Variants in PTPRD observed in about 807,000 individuals in gnomAD.
The protein encoded by PTPRD is receptor-type tyrosine-protein phosphatase delta.
A neutral mutation model predicts 214.5 loss-of-function variants in PTPRD; 34 were observed. The observed-to-expected ratio is 0.16, with a 90% CI of 0.12 to 0.21. The LOEUF (loss-of-function observed/expected upper bound fraction) is 0.21. Ranked by LOEUF, PTPRD falls within the 10% of genes least tolerant of loss-of-function variation. PTPRD has a pLI of 1.00. For synonymous variants in PTPRD, 1,128 were observed against 845.7 expected, an observed-to-expected ratio of 1.33 and a Z score of -5.79; for missense variants, 2,545 against 2,398.7, an observed-to-expected ratio of 1.06 and a Z score of -1.27.
intron 12 of PTPRD, among the ~76,000 whole-genome samples, chr9:8,662,098 T>G (rs150226008): frequency 1.3e-5 from 2 of 152,246 alleles, no homozygotes; most frequent in African/African-American, 4.8e-5. Flanking sequence ...TGTTTTGTTT[T>G]TCATAGAGCT....
chr9:9,570,976 G>C (rs1385292145), intron 8 of PTPRD, among the ~76,000 whole-genome samples: 1 of 151,300 alleles, frequency 6.6e-6, no homozygotes, highest in Admixed American at 6.6e-5. Context: ...ACTAAAATAA[G>C]ATACTATCTA....
At chr9:10,407,844 T>C (rs1170051820) in intron 2 of PTPRD, among the ~76,000 whole-genome samples, 1 of 151,610 alleles carries the variant, frequency 6.6e-6, no homozygotes, top group South Asian at 2.1e-4. Context: ...ATACTGCAAA[T>C]GTTTCAATTT....
At chr9:8,666,200 GA>G (rs2097167758) in intron 12 of PTPRD, among the ~76,000 whole-genome samples, 1 of 152,070 alleles carries the variant, frequency 6.6e-6, no homozygotes, top group Non-Finnish European at 1.5e-5. Context: ...CCCTGCTGTA[GA>G]AAAGTGTCAA....
chr9:10,098,601 T>C (rs1174845141), intron 3 of PTPRD, among the ~76,000 whole-genome samples: 6 of 151,864 alleles, frequency 4.0e-5, no homozygotes, highest in Admixed American at 6.6e-5. Flanking sequence ...TTCTGAGCCA[T>C]ATTTTTCTCA....
chr9:9,915,568 G>A (rs1055774929), intron 5 of PTPRD, among the ~76,000 whole-genome samples: 1 of 150,332 alleles, frequency 6.7e-6, no homozygotes, highest in African/African-American at 2.4e-5. Context: ...AAGTACTAAA[G>A]CTGAATAATT....
intron 8 of PTPRD, among the ~76,000 whole-genome samples, chr9:9,561,663 A>G (rs1266952651): frequency 6.6e-6 from 1 of 152,136 alleles, no homozygotes; most frequent in Non-Finnish European, 1.5e-5. Context: ...TGAAAAAAAC[A>G]CTCTTACTTT....
intron 5 of PTPRD, among the ~76,000 whole-genome samples, chr9:9,827,499 A>G (rs1279653011): frequency 6.6e-6 from 1 of 152,210 alleles, no homozygotes; most frequent in Non-Finnish European, 1.5e-5. Context: ...TTTATACAAA[A>G]ATTAATTCAA....
intron 3 of PTPRD, among the ~76,000 whole-genome samples, chr9:10,263,500 G>C (rs899625396): frequency 2.0e-5 from 3 of 152,124 alleles, no homozygotes; most frequent in East Asian, 1.9e-4. Flanking sequence ...TGGAGTAAAG[G>C]TCACTCTTGC....
At chr9:8,394,306 G>A (rs2090473899) in intron 36 of PTPRD, among the ~76,000 whole-genome samples, 2 of 152,046 alleles carry the variant, frequency 1.3e-5, no homozygotes, top group Non-Finnish European at 2.9e-5. Context: ...TTATAATAAA[G>A]CCTTAAGTCC....
intron 7 of PTPRD, among the ~76,000 whole-genome samples, chr9:9,727,972 A>G (rs986561595): frequency 6.6e-6 from 1 of 152,110 alleles, no homozygotes; most frequent in African/African-American, 2.4e-5. Flanking sequence ...CATAATTCCC[A>G]TGTGTTGTGA....
chr9:10,155,865 T>G (rs2099089416), intron 3 of PTPRD, among the ~76,000 whole-genome samples: 1 of 152,112 alleles, frequency 6.6e-6, no homozygotes, highest in African/African-American at 2.4e-5. Context: ...CCTTGAGGAT[T>G]TTTGTATCAA....
chr9:9,687,018 T>C (rs1439217101), intron 7 of PTPRD, among the ~76,000 whole-genome samples: 1 of 151,762 alleles, frequency 6.6e-6, no homozygotes, highest in Non-Finnish European at 1.5e-5. Flanking sequence ...TTAATACAAG[T>C]TGTGCATTAT....
intron 35 of PTPRD, among the ~76,000 whole-genome samples, chr9:8,416,201 C>G (rs1226590583): frequency 2.0e-5 from 3 of 151,984 alleles, no homozygotes; most frequent in African/African-American, 7.3e-5. Flanking sequence ...TGTTATGCAT[C>G]TAGTGACGTG....
At chr9:8,656,971 G>A in intron 12 of PTPRD, among the ~76,000 whole-genome samples, 1 of 152,210 alleles carries the variant, frequency 6.6e-6, no homozygotes, top group African/African-American at 2.4e-5. Flanking sequence ...TTGTAAAGAT[G>A]AAAGTTTATG....
rs1041728188 is a variant in PTPRD, at chr9:9,253,657, G to T, written c.-202-70294C>A. On this transcript the variant is annotated intron_variant, in intron 9 of 45. Coordinates refer to ENST00000381196, the MANE Select transcript of PTPRD (RefSeq NM_002839.4). ...AACAGATGCCAAAGCATAAAAAATGGTTTGAGTGATTTTGAATGAGGAACT... is the reference window on the plus strand; with the variant it reads ...AACAGATGCCAAAGCATAAAAAATGTTTTGAGTGATTTTGAATGAGGAACT... Among the ~76,000 whole-genome samples the T allele has an allele frequency of 1.9e-4, 29 of 152,178 alleles. 1 individual carries two copies. The highest frequency in any genetic ancestry group is 1.9e-3 in the South Asian group (9 of 4,814).
intron 9 of PTPRD, among the ~76,000 whole-genome samples, chr9:9,234,165 C>G (rs1198957979): frequency 6.6e-6 from 1 of 152,170 alleles, no homozygotes; most frequent in Admixed American, 6.5e-5. Context: ...TGGAGGTTCC[C>G]CAAACTCTAT....
At chr9:10,062,875 G>A (rs1186421838) in intron 3 of PTPRD, among the ~76,000 whole-genome samples, 1 of 151,946 alleles carries the variant, frequency 6.6e-6, no homozygotes, top group Non-Finnish European at 1.5e-5. Flanking sequence ...ACTCAGTCTT[G>A]CTCCCAATTT....
chr9:8,325,590 A>C (rs1271425294), intron 44 of PTPRD, among the ~76,000 whole-genome samples: 1 of 149,484 alleles, frequency 6.7e-6, no homozygotes, highest in Non-Finnish European at 1.5e-5. Context: ...TCCATGTCAA[A>C]TTTAAAGTAG....
chr9:9,293,784 G>A (rs1595324074), intron 9 of PTPRD, among the ~76,000 whole-genome samples: 2 of 151,446 alleles, frequency 1.3e-5, no homozygotes, highest in South Asian at 4.1e-4. Flanking sequence ...TCTTAACTAA[G>A]CAGTTATGTA....
Sources: gnomAD v4.1 joint callset for allele counts (sites outside exome capture counted in the v4.1 genomes callset) on GRCh38, gnomAD v4.1.1 for gene constraint, MANE v1.5 for transcripts, NCBI Gene and HGNC (gene_info 2026-07-23, HGNC 2026-07-21) for gene names.